The following TMEM161B variants were observed in gnomAD, a reference collection of about 807,000 sequenced individuals.
TMEM161B encodes the protein transmembrane protein 161B.
In TMEM161B, 34 loss-of-function variants were observed where a neutral mutation model predicts 61.8. The observed-to-expected ratio is 0.55, with a 90% CI of 0.42 to 0.73. The LOEUF (loss-of-function observed/expected upper bound fraction) is 0.73. TMEM161B is among the 30% of genes least tolerant of loss of function. TMEM161B has a pLI of 0.00. For missense variants in TMEM161B, 456 were observed against 558.5 expected, an observed-to-expected ratio of 0.82 and a Z score of 1.85; for synonymous variants, 167 against 192.8, an observed-to-expected ratio of 0.87 and a Z score of 1.11.
chr5:88,227,686 T>C (rs1045651402), intron 3 of TMEM161B, among the ~76,000 whole-genome samples: 1 of 152,206 alleles, frequency 6.6e-6, no homozygotes, highest in African/African-American at 2.4e-5. Context: ...TTAGCATTTT[T>C]ATGATATACA....
At chr5:88,263,443 TA>T (rs1755946850) in intron 1 of TMEM161B, among the ~76,000 whole-genome samples, 1 of 152,206 alleles carries the variant, frequency 6.6e-6, no homozygotes, top group Admixed American at 6.5e-5. Context: ...GAACTTTTTT[TA>T]AAGTTTGGTG....
intron 5 of TMEM161B, among the ~76,000 whole-genome samples, chr5:88,214,284 C>T (rs1397905124): frequency 6.6e-6 from 1 of 152,090 alleles, no homozygotes; most frequent in Admixed American, 6.5e-5. Context: ...TTGTAAAATA[C>T]AAGCACTGTG....
In TMEM161B at chr5:88,262,059, C is replaced by T. The variant is rs1311516865; in HGVS notation, c.3+6662G>A. Among the ~76,000 whole-genome samples, 9 of 152,184 alleles carry T rather than the reference C, an allele frequency of 5.9e-5. No homozygotes were observed. In the South Asian group the frequency reaches 1.5e-3, roughly 25 times the overall value. ...GGATTGTTATACAAAATATAACAAA[C>T]TCTTAATTAAAACTCAACAAGAAAA... On this transcript the variant is annotated intron_variant, in intron 1 of 11. Transcript: ENST00000296595.
At chr5:88,193,352 T>C (rs1749157081), downstream of TMEM161B, among the ~76,000 whole-genome samples, 1 of 152,156 alleles carries the variant, frequency 6.6e-6, no homozygotes, top group African/African-American at 2.4e-5. Context: ...CATATTATAT[T>C]GACTAAAGTA....
rs558912554 is a variant in TMEM161B, at chr5:88,206,508, GAA to G, written c.599-11_599-10del. 2.6e-5 allele frequency: 34 copies of G among 1,307,690 alleles called. No homozygotes were observed. Among genetic ancestry groups the G allele is most frequent in the Admixed American group, 1.4e-4 (6 of 43,024 alleles). 81.0% of individuals were successfully genotyped at this position (1,307,690 alleles called of 1,614,324 possible). On this transcript the variant is annotated splice_polypyrimidine_tract_variant and intron_variant, in intron 6 of 11. Transcript: ENST00000296595. ...TGAAAAATTTGTAAACCCTGTGGGG[GAA>G]AAAAAAAAAAACAACAGATTACTCT...
downstream of TMEM161B, chr5:88,190,319 T>C (rs1439315524): frequency 2.9e-6 from 2 of 697,792 alleles, no homozygotes; most frequent in African/African-American, 3.5e-5. Flanking sequence ...AAATGCGAGA[T>C]GTAGAAATAC....
chr5:88,195,784 C>G lies in TMEM161B; in HGVS notation c.*427G>C. Reference sequence around the variant, plus strand: ...AGAAGAGACTTTAGCCCCTTTCCCTCCCCTAAAGCATGGCTCAGTTTGAAG... The same window carrying G: ...AGAAGAGACTTTAGCCCCTTTCCCTGCCCTAAAGCATGGCTCAGTTTGAAG... On this transcript the variant is annotated 3_prime_UTR_variant, in exon 12 of 12. Coordinates refer to ENST00000296595, the MANE Select transcript of TMEM161B (RefSeq NM_153354.5). The G allele has an allele frequency of 2.0e-6, 2 of 989,572 alleles. No individual in the cohort carries two copies. The highest frequency in any genetic ancestry group is 9.3e-5 in the South Asian group (2 of 21,524). The allele number at this position is 989,572 out of a possible 1,614,324, so 61.3% of individuals were successfully genotyped here.
At chr5:88,260,191 C>A (rs78566231) in intron 1 of TMEM161B, among the ~76,000 whole-genome samples, 6 of 152,162 alleles carry the variant, frequency 3.9e-5, no homozygotes, top group Non-Finnish European at 8.8e-5. Flanking sequence ...TCTTACCCAA[C>A]GGACATACTT....
At chr5:88,215,251 C>T (rs1747611331) in intron 5 of TMEM161B, among the ~76,000 whole-genome samples, 1 of 152,096 alleles carries the variant, frequency 6.6e-6, no homozygotes, top group Non-Finnish European at 1.5e-5. Flanking sequence ...TCAATGCAGA[C>T]ACGTGTTTGA....
At chr5:88,226,215 C>T (rs1461916165) in intron 3 of TMEM161B, among the ~76,000 whole-genome samples, 8 of 152,068 alleles carry the variant, frequency 5.3e-5, no homozygotes, top group Non-Finnish European at 2.9e-5. Flanking sequence ...AAGTGCACTT[C>T]TCCTTGAAGT....
intron 1 of TMEM161B, among the ~76,000 whole-genome samples, chr5:88,257,266 T>C (rs1288891097): frequency 6.6e-6 from 1 of 152,088 alleles, no homozygotes; most frequent in Non-Finnish European, 1.5e-5. Flanking sequence ...CAAGAATTTG[T>C]CTCAAAAACA....
At position 88,224,959 on chromosome 5, in the gene TMEM161B, G is replaced by GTTTTTTTTTTTTTTTTTTTTTTTTTTTT. The variant is rs202011902; in HGVS notation, c.289+809_289+810insAAAAAAAAAAAAAAAAAAAAAAAAAAAA. ...ATAATACACATAACACACAAAATAT[G>GTTTTTTTTTTTTTTTTTTTTTTTTTTTT]TTTTTGTTTTTTTTTTTTTTTTTTT... On this transcript the variant is annotated intron_variant, in intron 4 of 11. Transcript: ENST00000296595. 6.9e-5 allele frequency among the ~76,000 whole-genome samples: 7 copies of GTTTTTTTTTTTTTTTTTTTTTTTTTTTT among 101,202 alleles called. 3 individuals carry two copies. Among genetic ancestry groups the GTTTTTTTTTTTTTTTTTTTTTTTTTTTT allele is most frequent in the African/African-American group, 1.5e-4 (4 of 25,838 alleles). 66.4% of individuals were successfully genotyped at this position (101,202 alleles called of 152,430 possible).
chr5:88,267,478 A>G (rs1208094918), intron 1 of TMEM161B, among the ~76,000 whole-genome samples: 3 of 152,154 alleles, frequency 2.0e-5, no homozygotes, highest in Non-Finnish European at 4.4e-5. Flanking sequence ...ACACACATTA[A>G]CTGAATGTTG....
chr5:88,237,729 TA>T (rs904758714), intron 2 of TMEM161B, among the ~76,000 whole-genome samples: 8 of 151,296 alleles, frequency 5.3e-5, no homozygotes, highest in African/African-American at 1.7e-4. Flanking sequence ...CAGTTTCTTT[TA>T]AAAAAAAAGT....
chr5:88,190,133 A>C (rs1052908956), downstream of TMEM161B: 4 of 700,862 alleles, frequency 5.7e-6, no homozygotes, highest in Non-Finnish European at 1.0e-5. Context: ...AGGTACACAC[A>C]AGAACTAGTA....
At chr5:88,202,685 C>T (rs1168534307) in intron 9 of TMEM161B, 2 of 367,356 alleles carry the variant, frequency 5.4e-6, no homozygotes, top group Non-Finnish European at 9.8e-6. Flanking sequence ...ACAATGACAA[C>T]AGAAAAATGA....
At chr5:88,205,139 A>T (rs910413012) in intron 8 of TMEM161B, among the ~76,000 whole-genome samples, 1 of 151,996 alleles carries the variant, frequency 6.6e-6, no homozygotes, top group Non-Finnish European at 1.5e-5. Context: ...TACATCAACA[A>T]AAAAAAATCT....
In TMEM161B at chr5:88,225,007, G is replaced by A. The variant is rs183853242; in HGVS notation, c.289+762C>T. Reference sequence around the variant, plus strand: ...TTTTGAGACGGAGTCTCGCTCTGTCGCCCAGGCTGGAGTGCGGTGGTGCGA... The same window carrying A: ...TTTTGAGACGGAGTCTCGCTCTGTCACCCAGGCTGGAGTGCGGTGGTGCGA... On this transcript the variant is annotated intron_variant, in intron 4 of 11. Coordinates refer to ENST00000296595, the MANE Select transcript of TMEM161B (RefSeq NM_153354.5). 7.4e-3 allele frequency among the ~76,000 whole-genome samples: 914 copies of A among 123,778 alleles called. 18 individuals carry two copies. Among genetic ancestry groups the A allele is most frequent in the Non-Finnish European group, 6.3e-3 (404 of 64,300 alleles). The allele number at this position is 123,778 out of a possible 152,430, so 81.2% of individuals were successfully genotyped here.
At chr5:88,256,598 A>G (rs1394833059) in intron 1 of TMEM161B, among the ~76,000 whole-genome samples, 1 of 152,214 alleles carries the variant, frequency 6.6e-6, no homozygotes, top group African/African-American at 2.4e-5. Flanking sequence ...CTACTAAAGA[A>G]CATATGCGTA....
Sources: gnomAD v4.1 joint callset for allele counts (sites outside exome capture counted in the v4.1 genomes callset) on GRCh38, gnomAD v4.1.1 for gene constraint, MANE v1.5 for transcripts, NCBI Gene and HGNC (gene_info 2026-07-23, HGNC 2026-07-21) for gene names.